Variants in STK32B observed in about 807,000 individuals in gnomAD.
The protein encoded by STK32B is serine/threonine kinase 32B.
Under a neutral mutation model 52.6 loss-of-function variants are expected in STK32B, and 43 were observed. The observed-to-expected ratio is 0.82, with a 90% CI of 0.64 to 1.05. The LOEUF (loss-of-function observed/expected upper bound fraction) is 1.05, where lower values mean the gene tolerates loss of function less well. STK32B is among the 50% of genes least tolerant of loss of function. The pLI is 0.00. For missense variants in STK32B, 621 were observed against 534.6 expected (o/e 1.16, Z -1.59); for synonymous variants, 238 against 204.3 (o/e 1.17, Z -1.41).
At chr4:5,103,523 A>G (rs1260183135) in intron 1 of STK32B, among the ~76,000 whole-genome samples, 3 of 152,140 alleles carry the variant, frequency 2.0e-5, no homozygotes, top group Non-Finnish European at 4.4e-5. Flanking sequence ...TGATTATGGC[A>G]TACTTTATTG....
chr4:5,276,755 G>T (rs916748780), intron 3 of STK32B, among the ~76,000 whole-genome samples: 2 of 151,894 alleles, frequency 1.3e-5, no homozygotes, highest in African/African-American at 4.8e-5. Context: ...GGGAAATGCC[G>T]CTCAGAAACA....
intron 1 of STK32B, among the ~76,000 whole-genome samples, chr4:5,055,193 G>A (rs1238780733): frequency 6.6e-6 from 1 of 152,012 alleles, no homozygotes; most frequent in Non-Finnish European, 1.5e-5. Context: ...AGGCTCAAGG[G>A]GTCCTTCCAT....
At chr4:5,479,514 C>G (rs771113430) in intron 11 of STK32B, among the ~76,000 whole-genome samples, 8 of 152,140 alleles carry the variant, frequency 5.3e-5, no homozygotes, top group Non-Finnish European at 8.8e-5. Context: ...AGACCTAAGG[C>G]CAGTGGAGGT....
At chr4:5,061,722 C>T (rs2108758685) in intron 1 of STK32B, among the ~76,000 whole-genome samples, 1 of 152,334 alleles carries the variant, frequency 6.6e-6, no homozygotes, top group Middle Eastern at 3.4e-3. Flanking sequence ...ATGTTTCACA[C>T]TTACTGCTAG....
intron 3 of STK32B, among the ~76,000 whole-genome samples, chr4:5,267,227 A>C (rs1727110397): frequency 6.6e-6 from 1 of 152,192 alleles, no homozygotes; most frequent in Non-Finnish European, 1.5e-5. Flanking sequence ...AATGCAAAGA[A>C]CTGTCCAGTG....
intron 1 of STK32B, among the ~76,000 whole-genome samples, chr4:5,107,239 C>T (rs924785485): frequency 6.6e-6 from 1 of 151,944 alleles, no homozygotes; most frequent in Non-Finnish European, 1.5e-5. Flanking sequence ...TCACTGTCTC[C>T]CATCACCCCA....
At chr4:5,317,721 T>G (rs955934766) in intron 3 of STK32B, among the ~76,000 whole-genome samples, 1 of 150,392 alleles carries the variant, frequency 6.6e-6, no homozygotes, top group Non-Finnish European at 1.5e-5. Flanking sequence ...TTGGGAGGCT[T>G]CTTGGAGAAG....
chr4:5,370,311 A>G (rs1329446660), intron 4 of STK32B, among the ~76,000 whole-genome samples: 1 of 152,218 alleles, frequency 6.6e-6, no homozygotes, highest in Non-Finnish European at 1.5e-5. Context: ...TACCTGCCAC[A>G]TTGGAGCTGC....
chr4:5,139,947 G>A lies in STK32B; in HGVS notation c.95G>A (p.Gly32Glu). The change falls in exon 2 of 12, where the codon GGG becomes GAG. Residue 32 changes from glycine to glutamate, a missense_variant. Coordinates refer to ENST00000282908, the MANE Select transcript of STK32B (RefSeq NM_018401.3). The part of the protein sequence containing the change: ...HFQILRAIGK[G>E]SFGKVCIVQK... ...CAGATTCTGCGGGCCATTGGTAAAG[G>A]GAGTTTTGGAAAGGTAAGAATATAA... is the stretch of plus-strand genomic sequence containing the variant. The A allele has an allele frequency of 6.2e-7, 1 of 1,614,144 alleles. No individual in the cohort carries two copies. Among genetic ancestry groups the A allele is most frequent in the South Asian group, 1.1e-5 (1 of 91,078 alleles).
At chr4:5,280,169 T>C (rs1380225099) in intron 3 of STK32B, among the ~76,000 whole-genome samples, 1 of 152,218 alleles carries the variant, frequency 6.6e-6, no homozygotes, top group Non-Finnish European at 1.5e-5. Flanking sequence ...TGCTTCCCTT[T>C]TAAATATAAG....
chr4:5,234,974 C>G (rs931019276), intron 3 of STK32B, among the ~76,000 whole-genome samples: 24 of 152,202 alleles, frequency 1.6e-4, no homozygotes, highest in African/African-American at 5.1e-4. Flanking sequence ...TTCCTGAGAA[C>G]TTTCCATAAA....
At chr4:5,209,020 T>A (rs1295881358) in intron 3 of STK32B, among the ~76,000 whole-genome samples, 2 of 152,240 alleles carry the variant, frequency 1.3e-5, no homozygotes, top group African/African-American at 4.8e-5. Flanking sequence ...GTTGGGCACA[T>A]GCCCCTCTCA....
At chr4:5,084,217 G>A (rs1372834223) in intron 1 of STK32B, among the ~76,000 whole-genome samples, 3 of 152,130 alleles carry the variant, frequency 2.0e-5, no homozygotes, top group African/African-American at 7.2e-5. Context: ...AAACCTCTCT[G>A]TATCATATTT....
At chr4:5,446,882 T>G (rs1423147159) in intron 7 of STK32B, 106 bp downstream of exon 7, 1 of 1,063,480 alleles carries the variant, frequency 9.4e-7, no homozygotes, top group African/African-American at 1.6e-5. Flanking sequence ...GAAGGAGCAC[T>G]GGGGGAGTCA....
At chr4:5,135,935 A>G (rs1027222806) in intron 1 of STK32B, among the ~76,000 whole-genome samples, 2 of 152,226 alleles carry the variant, frequency 1.3e-5, no homozygotes, top group African/African-American at 4.8e-5. Context: ...GATTAATTAG[A>G]TCGGTAGTTC....
At chr4:5,080,239 C>A in intron 1 of STK32B, among the ~76,000 whole-genome samples, 1 of 152,164 alleles carries the variant, frequency 6.6e-6, no homozygotes, top group Non-Finnish European at 1.5e-5. Context: ...CCTGCCACCT[C>A]TCAGACACCA....
At chr4:5,315,791 G>A (rs561305453) in intron 3 of STK32B, among the ~76,000 whole-genome samples, 9 of 150,120 alleles carry the variant, frequency 6.0e-5, no homozygotes, top group African/African-American at 2.0e-4. Flanking sequence ...TGCAACCTCT[G>A]CCTCCTGGGT....
intron 3 of STK32B, among the ~76,000 whole-genome samples, chr4:5,281,696 T>G (rs1054252114): frequency 3.9e-5 from 6 of 152,188 alleles, no homozygotes; most frequent in African/African-American, 1.4e-4. Flanking sequence ...AGTTGAGAGA[T>G]ATGCACCATT....
intron 1 of STK32B, among the ~76,000 whole-genome samples, chr4:5,092,503 C>G (rs1713143428): frequency 6.7e-6 from 1 of 149,210 alleles, no homozygotes; most frequent in Non-Finnish European, 1.5e-5. Flanking sequence ...CCACTGCACT[C>G]TAGCCTGGGC....
Sources: gnomAD v4.1 joint callset for allele counts (sites outside exome capture counted in the v4.1 genomes callset) on GRCh38, gnomAD v4.1.1 for gene constraint, MANE v1.5 for transcripts, NCBI Gene and HGNC (gene_info 2026-07-23, HGNC 2026-07-21) for gene names.